The following LHFPL3 variants were observed in gnomAD, a reference collection of about 807,000 sequenced individuals.
LHFPL3 encodes LHFPL tetraspan subfamily member 3, also known as LHFPL tetraspan subfamily member 3 protein.
Under a neutral mutation model 19.3 loss-of-function variants are expected in LHFPL3, and 5 were observed. The ratio of observed to expected loss-of-function variants is 0.26; its 90% confidence interval spans 0.14 to 0.54. The LOEUF (loss-of-function observed/expected upper bound fraction) is 0.54. Ranked by LOEUF, LHFPL3 falls within the 20% of genes least tolerant of loss-of-function variation. LHFPL3 has a pLI of 0.94. For missense variants in LHFPL3, 249 were observed against 307.4 expected, an observed-to-expected ratio of 0.81 and a Z score of 1.42; for synonymous variants, 133 against 126.2, an observed-to-expected ratio of 1.05 and a Z score of -0.36.
chr7:104,847,132 C>T lies in LHFPL3; in HGVS notation c.683-59055C>T, dbSNP rs145067078. On this transcript the variant is annotated intron_variant, in intron 2 of 2. Coordinates refer to ENST00000424859, the MANE Select transcript of LHFPL3 (RefSeq NM_199000.3). ...AAACTCAGATAGATGTGGCAAGCTC[C>T]GGTTTGGTCATCTCAAATCTGCCAA... 3.7e-4 allele frequency among the ~76,000 whole-genome samples: 56 copies of T among 152,288 alleles called. 1 individual carries two copies. The highest frequency in any genetic ancestry group is 3.4e-3 in the Middle Eastern group (1 of 294).
chr7:104,451,488 T>C (rs1304140206), intron 1 of LHFPL3, among the ~76,000 whole-genome samples: 2 of 152,126 alleles, frequency 1.3e-5, no homozygotes, highest in South Asian at 2.1e-4. Flanking sequence ...TGCAATAGCG[T>C]TTTTTGGTTC....
intron 1 of LHFPL3, among the ~76,000 whole-genome samples, chr7:104,645,321 A>C (rs1026889242): frequency 6.6e-6 from 1 of 152,170 alleles, no homozygotes; most frequent in Non-Finnish European, 1.5e-5. Flanking sequence ...CTCTTGGTTT[A>C]GCTTACTATT....
At chr7:104,529,808 A>G (rs1273094424) in intron 1 of LHFPL3, among the ~76,000 whole-genome samples, 1 of 152,168 alleles carries the variant, frequency 6.6e-6, no homozygotes, top group Non-Finnish European at 1.5e-5. Context: ...ATCATCACAG[A>G]GGATGGAGGC....
At chr7:104,564,119 A>G (rs979817645) in intron 1 of LHFPL3, among the ~76,000 whole-genome samples, 1 of 152,188 alleles carries the variant, frequency 6.6e-6, no homozygotes, top group African/African-American at 2.4e-5. Context: ...AAACTCAAGA[A>G]TAGAGTGACC....
chr7:104,830,246 G>A (rs1319148269), intron 2 of LHFPL3, among the ~76,000 whole-genome samples: 1 of 151,750 alleles, frequency 6.6e-6, no homozygotes, highest in Non-Finnish European at 1.5e-5. Context: ...TTGTCAGATG[G>A]GTAGGTTGCG....
chr7:104,370,950 G>A (rs1344877075), intron 1 of LHFPL3, among the ~76,000 whole-genome samples: 1 of 152,222 alleles, frequency 6.6e-6, no homozygotes, highest in African/African-American at 2.4e-5. Context: ...AAGCTAATAA[G>A]TAACAGAGCT....
At chr7:104,448,508 C>T (rs1792373259) in intron 1 of LHFPL3, among the ~76,000 whole-genome samples, 2 of 152,188 alleles carry the variant, frequency 1.3e-5, no homozygotes. Flanking sequence ...TAGCCATTTT[C>T]ATGAAAAATA....
chr7:104,791,781 G>A (rs1191265276), intron 2 of LHFPL3, among the ~76,000 whole-genome samples: 1 of 152,118 alleles, frequency 6.6e-6, no homozygotes. Context: ...TCCCCCAGGG[G>A]TGCAGGGTCT....
chr7:104,592,701 G>A (rs1293679622), intron 1 of LHFPL3, among the ~76,000 whole-genome samples: 1 of 152,178 alleles, frequency 6.6e-6, no homozygotes, highest in Non-Finnish European at 1.5e-5. Context: ...TGCCCCCAGA[G>A]GTGGAGTCTA....
At chr7:104,449,946 T>G (rs1373153723) in intron 1 of LHFPL3, among the ~76,000 whole-genome samples, 1 of 152,242 alleles carries the variant, frequency 6.6e-6, no homozygotes, top group Non-Finnish European at 1.5e-5. Context: ...GTCAGTTGTT[T>G]CACACTTCAG....
At chr7:104,510,114 T>C (rs1351344684) in intron 1 of LHFPL3, among the ~76,000 whole-genome samples, 1 of 149,452 alleles carries the variant, frequency 6.7e-6, no homozygotes, top group Non-Finnish European at 1.5e-5. Context: ...AGACATACCA[T>C]CTTCATGGGT....
intron 1 of LHFPL3, among the ~76,000 whole-genome samples, chr7:104,368,248 G>A (rs1322250296): frequency 6.6e-6 from 1 of 152,172 alleles, no homozygotes; most frequent in African/African-American, 2.4e-5. Flanking sequence ...TACTTTGCTT[G>A]TGGTTAAAAC....
intron 1 of LHFPL3, among the ~76,000 whole-genome samples, chr7:104,454,242 A>C (rs1165292321): frequency 3.3e-5 from 5 of 152,190 alleles, no homozygotes; most frequent in African/African-American, 1.2e-4. Context: ...TGTGTGTACA[A>C]GTTGTTGAAG....
intron 1 of LHFPL3, among the ~76,000 whole-genome samples, chr7:104,716,390 T>C (rs1793386784): frequency 6.6e-6 from 1 of 151,676 alleles, no homozygotes; most frequent in South Asian, 2.1e-4. Context: ...AAAATTTTCC[T>C]TGTTTGCAGT....
intron 1 of LHFPL3, among the ~76,000 whole-genome samples, chr7:104,685,202 C>T (rs934700945): frequency 5.3e-5 from 8 of 152,080 alleles, no homozygotes; most frequent in African/African-American, 1.9e-4. Flanking sequence ...CAAAAATTAG[C>T]TGGGCATGGT....
intron 1 of LHFPL3, among the ~76,000 whole-genome samples, chr7:104,721,414 A>G (rs1793490047): frequency 6.6e-6 from 1 of 152,182 alleles, no homozygotes; most frequent in South Asian, 2.1e-4. Context: ...GGGGAGGGAT[A>G]GCATTAGGAG....
chr7:104,810,203 G>A (rs952336843), intron 2 of LHFPL3, among the ~76,000 whole-genome samples: 7 of 152,194 alleles, frequency 4.6e-5, no homozygotes, highest in Non-Finnish European at 1.0e-4. Context: ...AGTGCCAAAG[G>A]TAGTAGCCAG....
chr7:104,584,802 A>G (rs1406192671), intron 1 of LHFPL3, among the ~76,000 whole-genome samples: 1 of 152,168 alleles, frequency 6.6e-6, no homozygotes, highest in East Asian at 1.9e-4. Flanking sequence ...CCTTAAGAGA[A>G]AGAACTCATG....
At chr7:104,593,074 C>T (rs1175897376) in intron 1 of LHFPL3, among the ~76,000 whole-genome samples, 4 of 152,150 alleles carry the variant, frequency 2.6e-5, no homozygotes, top group Non-Finnish European at 5.9e-5. Flanking sequence ...TTCTTATCTT[C>T]TGCTAGCTTT....
Sources: allele counts gnomAD v4.1 joint callset (sites outside exome capture counted in the v4.1 genomes callset), GRCh38; gene constraint gnomAD v4.1.1; transcripts MANE v1.5; gene names NCBI Gene and HGNC (gene_info 2026-07-23, HGNC 2026-07-21).